SLC24A4: variants seen among roughly 807,000 people sequenced by gnomAD.
SLC24A4 encodes solute carrier family 24 member 4.
SLC24A4 carries 53 observed loss-of-function variants against 79.0 expected under a neutral mutation model. That is an observed-to-expected ratio of 0.67 (90% CI 0.54 to 0.84). The LOEUF (loss-of-function observed/expected upper bound fraction) is 0.84, where lower values mean the gene tolerates loss of function less well. SLC24A4 is among the 40% of genes least tolerant of loss of function. The pLI is 0.00. For synonymous variants in SLC24A4, 323 were observed against 323.8 expected (o/e 1.00, Z 0.03); for missense variants, 731 against 822.0 (o/e 0.89, Z 1.35).
chr14:92,382,183 C>T (rs368864139), intron 2 of SLC24A4, among the ~76,000 whole-genome samples: 2 of 151,872 alleles, frequency 1.3e-5, no homozygotes, highest in Non-Finnish European at 2.9e-5. Flanking sequence ...TACATATATA[C>T]ATATGTATAC....
In SLC24A4 at chr14:92,369,810, G is replaced by A. The variant is rs150349219; in HGVS notation, c.241+43832G>A. 4.6e-5 allele frequency among the ~76,000 whole-genome samples: 7 copies of A among 152,240 alleles called. 1 individual carries two copies. The East Asian group carries it at 9.7e-4, about 21-fold the overall frequency. ...AATAGCATACTCACCCACTCACCCCGAAGTCTCGAGTAAAAATATCTCCAC... is the reference window on the plus strand; with the variant it reads ...AATAGCATACTCACCCACTCACCCCAAAGTCTCGAGTAAAAATATCTCCAC... On this transcript the variant is annotated intron_variant, in intron 2 of 16. Coordinates refer to ENST00000532405, the MANE Select transcript of SLC24A4 (RefSeq NM_153646.4).
At chr14:92,345,709 A>C (rs1327400834) in intron 2 of SLC24A4, among the ~76,000 whole-genome samples, 1 of 152,084 alleles carries the variant, frequency 6.6e-6, no homozygotes. Flanking sequence ...CTAGAAAAAA[A>C]AAAAAGTTGC....
At chr14:92,417,131 A>G (rs1891020363) in intron 2 of SLC24A4, among the ~76,000 whole-genome samples, 1 of 152,226 alleles carries the variant, frequency 6.6e-6, no homozygotes, top group African/African-American at 2.4e-5. Context: ...GTAAATATTT[A>G]CAAGGACCAT....
intron 2 of SLC24A4, among the ~76,000 whole-genome samples, chr14:92,332,988 A>G (rs1260165190): frequency 6.6e-6 from 1 of 152,246 alleles, no homozygotes; most frequent in Non-Finnish European, 1.5e-5. Flanking sequence ...GCTTCTAAAT[A>G]GAAGAACTTT....
At chr14:92,470,642 C>T (rs1200806048) in intron 12 of SLC24A4, among the ~76,000 whole-genome samples, 6 of 152,066 alleles carry the variant, frequency 3.9e-5, no homozygotes, top group Non-Finnish European at 7.4e-5. Flanking sequence ...GCGTGTCAAT[C>T]GGAGTCCGTG....
At chr14:92,405,635 A>G (rs556059265) in intron 2 of SLC24A4, among the ~76,000 whole-genome samples, 1 of 152,260 alleles carries the variant, frequency 6.6e-6, no homozygotes, top group East Asian at 1.9e-4. Context: ...GGTGAAGGAG[A>G]AGGAAGCACA....
At chr14:92,386,584 C>A (rs775111266) in intron 2 of SLC24A4, among the ~76,000 whole-genome samples, 1 of 152,128 alleles carries the variant, frequency 6.6e-6, no homozygotes, top group African/African-American at 2.4e-5. Context: ...ATAAACTGTA[C>A]CTGCTATTAA....
At chr14:92,446,025 C>T (rs1008564510) in intron 8 of SLC24A4, among the ~76,000 whole-genome samples, 18 of 152,260 alleles carry the variant, frequency 1.2e-4, no homozygotes, top group African/African-American at 3.1e-4. Context: ...AGTGAGACCC[C>T]GTCCCCCAAA....
intron 2 of SLC24A4, among the ~76,000 whole-genome samples, chr14:92,368,464 A>G (rs918903907): frequency 4.6e-5 from 7 of 152,082 alleles, no homozygotes; most frequent in African/African-American, 1.7e-4. Context: ...CCTATAGTAA[A>G]TGGGATTGGG....
chr14:92,332,076 C>G (rs987959231), intron 2 of SLC24A4, among the ~76,000 whole-genome samples: 1 of 151,876 alleles, frequency 6.6e-6, no homozygotes, highest in African/African-American at 2.4e-5. Context: ...GTCAGGAGTT[C>G]GAGAACAGCC....
intron 2 of SLC24A4, among the ~76,000 whole-genome samples, chr14:92,338,357 T>C (rs1005652121): frequency 3.3e-5 from 5 of 152,264 alleles, no homozygotes; most frequent in African/African-American, 1.2e-4. Context: ...ACTGTTTGCC[T>C]GACTGTAATA....
chr14:92,353,392 A>G lies in SLC24A4; in HGVS notation c.241+27414A>G, dbSNP rs939709794. 2.0e-5 allele frequency among the ~76,000 whole-genome samples: 3 copies of G among 152,266 alleles called. No homozygotes were observed. The highest frequency in any genetic ancestry group is 4.4e-5 in the Non-Finnish European group (3 of 68,048). ...TTTATTGTTGTAGCGCAAGAGGGCA[A>G]AAAGCATTGTTGCCATGAGTGGCTT... On this transcript the variant is annotated intron_variant, in intron 2 of 16. Transcript: ENST00000532405. This position sits in a 1 kb window ranked among gnomAD's most constrained non-coding sequence, Gnocchi z 4.1.
At position 92,499,599 on chromosome 14, in the gene SLC24A4, A is replaced by G. The variant is rs1896070193; in HGVS notation, c.*5971A>G. ...TGCAGTGGCTTGATCACAGCTCACG[A>G]AAGCCTCAAACTCCTAGGCTCAAGT... On this transcript the variant is annotated 3_prime_UTR_variant, in exon 17 of 17. Coordinates refer to ENST00000532405, the MANE Select transcript of SLC24A4 (RefSeq NM_153646.4). The G allele has an allele frequency of 6.8e-6, 1 of 147,462 alleles. No individual in the cohort carries two copies. The highest frequency in any genetic ancestry group is 1.5e-5 in the Non-Finnish European group (1 of 66,856). 9.1% of individuals were successfully genotyped at this position (147,462 alleles called of 1,614,324 possible).
chr14:92,439,781 C>T (rs996459706), intron 4 of SLC24A4, among the ~76,000 whole-genome samples: 1 of 152,182 alleles, frequency 6.6e-6, no homozygotes. Flanking sequence ...GACAGGTGGG[C>T]CCACCCCCAC....
intron 12 of SLC24A4, among the ~76,000 whole-genome samples, chr14:92,460,834 G>A (rs891743671): frequency 3.3e-5 from 5 of 152,182 alleles, no homozygotes; most frequent in East Asian, 3.9e-4. Flanking sequence ...ATGACGGGTC[G>A]CTGGGATTGC....
chr14:92,452,696 A>ACC (rs1321071988), intron 10 of SLC24A4: 1 of 152,308 alleles, frequency 6.6e-6, no homozygotes, highest in African/African-American at 2.4e-5. Context: ...TTCAAGCAAA[A>ACC]CAGCCAACCA....
intron 13 of SLC24A4, among the ~76,000 whole-genome samples, 175 bp from the exon 14 acceptor site, chr14:92,486,491 C>A (rs1895363728): frequency 6.6e-6 from 1 of 152,140 alleles, no homozygotes; most frequent in African/African-American, 2.4e-5. Flanking sequence ...GGCTTCTTAG[C>A]CTCGTAGTTC....
intron 13 of SLC24A4, among the ~76,000 whole-genome samples, chr14:92,485,527 G>T (rs117142688): frequency 1.0e-3 from 153 of 151,740 alleles, no homozygotes; most frequent in Admixed American, 1.6e-3. Context: ...CAGAGATAAA[G>T]AAAACTGTGC....
intron 12 of SLC24A4, among the ~76,000 whole-genome samples, chr14:92,470,898 A>G (rs4904927): frequency 0.85 from 129,244 of 152,256 alleles, 55,244 homozygotes; most frequent in East Asian, 0.91. Context: ...CTGCCTTCTG[A>G]CAAGGCTAGA....
Sources: allele counts gnomAD v4.1 joint callset (sites outside exome capture counted in the v4.1 genomes callset), GRCh38; gene constraint gnomAD v4.1.1; non-coding constraint Gnocchi (gnomAD v3.1); transcripts MANE v1.5; gene names NCBI Gene and HGNC (gene_info 2026-07-23, HGNC 2026-07-21).